PTTG1IP2: variants seen among roughly 807,000 people sequenced by gnomAD.
The protein encoded by PTTG1IP2 is PTTG1IP family member 2.
chr7:90,500,572 G>A (rs1798050535), intron 6 of PTTG1IP2, among the ~76,000 whole-genome samples: 1 of 152,208 alleles, frequency 6.6e-6, no homozygotes. Context: ...ACACATGTAA[G>A]GGTCAGAGAG....
At chr7:90,483,756 A>G (rs1033849775) in intron 2 of PTTG1IP2, among the ~76,000 whole-genome samples, 3 of 152,126 alleles carry the variant, frequency 2.0e-5, no homozygotes, top group African/African-American at 7.2e-5. Flanking sequence ...GGCTTTATAC[A>G]GGCCCTATTT....
intron 5 of PTTG1IP2, among the ~76,000 whole-genome samples, chr7:90,493,154 G>A (rs1797958037): frequency 6.6e-6 from 1 of 152,076 alleles, no homozygotes; most frequent in Admixed American, 6.5e-5. Flanking sequence ...CAGGGTGCGG[G>A]GGGGCTTCAG....
rs866679067 is a variant in PTTG1IP2 at position 90,481,534 on chromosome 7, C to T, written c.192+2260C>T. 3.9e-5 allele frequency among the ~76,000 whole-genome samples: 6 copies of T among 152,268 alleles called. No individual in the cohort carries two copies. The Middle Eastern group carries it at 0.01, about 259-fold the overall frequency. The stretch of plus-strand genomic sequence containing the variant: ...AATTTCCCCATCCCATCAATATCAA[C>T]AGATGTATTCATCTCCAATTTTATG... On this transcript the variant is annotated intron_variant, in intron 2 of 6. Transcript: ENST00000509356.
intron 6 of PTTG1IP2, among the ~76,000 whole-genome samples, chr7:90,510,684 C>T (rs1028647351): frequency 5.9e-5 from 9 of 152,106 alleles, no homozygotes; most frequent in Non-Finnish European, 7.4e-5. Flanking sequence ...TTCTCCAGTT[C>T]AAGAACTTTT....
intron 6 of PTTG1IP2, among the ~76,000 whole-genome samples, chr7:90,512,547 A>G (rs571575958): frequency 7.2e-5 from 11 of 152,274 alleles, no homozygotes; most frequent in Admixed American, 2.0e-4. Context: ...ATATTCGGGG[A>G]TAAGATTATG....
chr7:90,508,478 G>A (rs1002036099), intron 6 of PTTG1IP2, among the ~76,000 whole-genome samples: 2 of 152,108 alleles, frequency 1.3e-5, no homozygotes, highest in South Asian at 4.2e-4. Flanking sequence ...AATTTTCAGG[G>A]GAGGACATTT....
intron 1 of PTTG1IP2, among the ~76,000 whole-genome samples, chr7:90,475,013 A>G (rs1288136060): frequency 6.6e-6 from 1 of 152,224 alleles, no homozygotes; most frequent in African/African-American, 2.4e-5. Context: ...GATCAGTGCC[A>G]GACGGTTTAT....
intron 6 of PTTG1IP2, among the ~76,000 whole-genome samples, chr7:90,500,618 A>G (rs1430951959): frequency 6.6e-6 from 1 of 152,214 alleles, no homozygotes; most frequent in Admixed American, 6.5e-5. Context: ...TTAAAGTGTC[A>G]TGTAGTCACA....
chr7:90,499,865 G>A (rs1485569476), intron 6 of PTTG1IP2, among the ~76,000 whole-genome samples: 2 of 152,082 alleles, frequency 1.3e-5, no homozygotes, highest in Non-Finnish European at 1.5e-5. Context: ...TTATAGGCAT[G>A]AGCCACTGCA....
chr7:90,484,015 G>A (rs1005432291), intron 2 of PTTG1IP2, among the ~76,000 whole-genome samples: 2 of 151,132 alleles, frequency 1.3e-5, no homozygotes, highest in African/African-American at 2.4e-5. Flanking sequence ...TGCTTGATTG[G>A]CATTTCTTTC....
chr7:90,508,457 C>G (rs1288974471), intron 6 of PTTG1IP2, among the ~76,000 whole-genome samples: 2 of 151,722 alleles, frequency 1.3e-5, no homozygotes, highest in African/African-American at 2.4e-5. Context: ...ATTGGAGCTG[C>G]TAGGGGAGGA....
intron 2 of PTTG1IP2, among the ~76,000 whole-genome samples, chr7:90,486,179 G>T (rs12666228): frequency 1.3e-5 from 2 of 151,598 alleles, no homozygotes; most frequent in South Asian, 4.1e-4. Context: ...AGAAGTGATT[G>T]GGTGGGGTCT....
intron 6 of PTTG1IP2, among the ~76,000 whole-genome samples, chr7:90,495,017 C>G (rs1014304395): frequency 2.0e-5 from 3 of 152,042 alleles, no homozygotes; most frequent in African/African-American, 4.8e-5. Flanking sequence ...ATCAATCCTC[C>G]CCTCTGCCCA....
At chr7:90,470,437 G>A (rs1053792698) in intron 1 of PTTG1IP2, 9 of 152,260 alleles carry the variant, frequency 5.9e-5, no homozygotes, top group Non-Finnish European at 7.4e-5. Flanking sequence ...CATGAACCTG[G>A]AAATAAGGTT....
At chr7:90,485,351 C>G (rs1217366663) in intron 2 of PTTG1IP2, among the ~76,000 whole-genome samples, 1 of 152,148 alleles carries the variant, frequency 6.6e-6, no homozygotes, top group Admixed American at 6.6e-5. Context: ...AGGTCACTAT[C>G]AGCTACTGCC....
At chr7:90,511,231 G>A (rs985019348) in intron 6 of PTTG1IP2, among the ~76,000 whole-genome samples, 1 of 152,136 alleles carries the variant, frequency 6.6e-6, no homozygotes, top group Non-Finnish European at 1.5e-5. Context: ...TATAGTGCCT[G>A]CCATCAAAAA....
intron 2 of PTTG1IP2, among the ~76,000 whole-genome samples, chr7:90,484,260 CT>C (rs1481511504): frequency 2.6e-5 from 4 of 151,956 alleles, no homozygotes; most frequent in African/African-American, 9.7e-5. Flanking sequence ...CCCCCAACCA[CT>C]GGCATAATAT....
At chr7:90,496,870 A>G (rs1405775029) in intron 6 of PTTG1IP2, among the ~76,000 whole-genome samples, 1 of 152,152 alleles carries the variant, frequency 6.6e-6, no homozygotes, top group Non-Finnish European at 1.5e-5. Context: ...CATCCCATAA[A>G]TTTTAGTATA....
At chr7:90,490,268 T>C (rs963613484) in intron 4 of PTTG1IP2, among the ~76,000 whole-genome samples, 4 of 152,052 alleles carry the variant, frequency 2.6e-5, no homozygotes, top group African/African-American at 9.7e-5. Flanking sequence ...TTCTCCTTCA[T>C]CCCAGTATGA....
Sources: gnomAD v4.1 joint callset for allele counts (sites outside exome capture counted in the v4.1 genomes callset) on GRCh38, gnomAD v4.1.1 for gene constraint, MANE v1.5 for transcripts, NCBI Gene and HGNC (gene_info 2026-07-23, HGNC 2026-07-21) for gene names.